Variants in HHAT observed in about 807,000 individuals in gnomAD.
The protein encoded by HHAT is hedgehog acyltransferase, also known as protein-cysteine N-palmitoyltransferase HHAT.
Under a neutral mutation model 70.8 loss-of-function variants are expected in HHAT, and 47 were observed. That is an observed-to-expected ratio of 0.66 (90% confidence interval 0.53 to 0.85). The LOEUF is 0.85. Ranked by LOEUF, HHAT falls within the 40% of genes least tolerant of loss-of-function variation. The probability of loss-of-function intolerance (pLI) is 0.00; values close to 1 mark genes in which losing one functional copy is unlikely to be tolerated. For missense variants in HHAT, 609 were observed against 604.8 expected (o/e 1.01, Z -0.07); for synonymous variants, 228 against 247.6 (o/e 0.92, Z 0.74).
At chr1:210,422,826 G>C (rs1302620545) in intron 7 of HHAT, among the ~76,000 whole-genome samples, 1 of 151,938 alleles carries the variant, frequency 6.6e-6, no homozygotes, top group Non-Finnish European at 1.5e-5. Flanking sequence ...TAGTAGAGAC[G>C]GGGTTTCACC....
intron 8 of HHAT, among the ~76,000 whole-genome samples, chr1:210,474,443 A>C (rs2094267391): frequency 6.6e-6 from 1 of 152,148 alleles, no homozygotes. Flanking sequence ...GATGTGCACC[A>C]CCATGCTTGG....
chr1:210,498,970 A>C (rs755206143), intron 8 of HHAT, among the ~76,000 whole-genome samples: 1 of 152,002 alleles, frequency 6.6e-6, no homozygotes, highest in Non-Finnish European at 1.5e-5. Context: ...AGGTTTCACC[A>C]TGTTGGCCAG....
chr1:210,618,588 G>A (rs948215875), intron 10 of HHAT, among the ~76,000 whole-genome samples: 2 of 152,150 alleles, frequency 1.3e-5, no homozygotes, highest in Admixed American at 1.3e-4. Flanking sequence ...TGCTCCTCCA[G>A]ATGCTCAGCC....
At chr1:210,535,719 T>G (rs148220820) in intron 9 of HHAT, among the ~76,000 whole-genome samples, 1 of 152,146 alleles carries the variant, frequency 6.6e-6, no homozygotes, top group Non-Finnish European at 1.5e-5. Context: ...GTGCTGTATC[T>G]GCATAGAAAA....
At chr1:210,638,806 G>T (rs1210676844) in intron 11 of HHAT, among the ~76,000 whole-genome samples, 8 of 151,946 alleles carry the variant, frequency 5.3e-5, no homozygotes, top group Non-Finnish European at 1.2e-4. Context: ...TCTGGAGGCT[G>T]AGGTGGGAGG....
At chr1:210,467,580 T>A (rs566541846) in intron 8 of HHAT, among the ~76,000 whole-genome samples, 1 of 152,322 alleles carries the variant, frequency 6.6e-6, no homozygotes, top group East Asian at 1.9e-4. Context: ...TGAGACAAAT[T>A]TAATCATGAG....
rs766495082 is a variant in HHAT at position 210,354,577 on chromosome 1, GT to G, written c.91+5512del. Among the ~76,000 whole-genome samples the G allele has an allele frequency of 4.6e-5, 7 of 151,988 alleles. No individual in the cohort carries two copies. The South Asian group carries it at 8.3e-4, about 18-fold the overall frequency. Reference sequence around the variant, plus strand: ...AGCTCTCTCTATGTTGCTCAGACTGGTCTCAAACTCCTGGACTCAAGCGATC... The same window carrying G: ...AGCTCTCTCTATGTTGCTCAGACTGGCTCAAACTCCTGGACTCAAGCGATC... On this transcript the variant is annotated intron_variant, in intron 2 of 11. Coordinates refer to ENST00000261458, the MANE Select transcript of HHAT (RefSeq NM_018194.6).
intron 9 of HHAT, among the ~76,000 whole-genome samples, chr1:210,527,255 G>T (rs2095261585): frequency 6.6e-6 from 1 of 151,886 alleles, no homozygotes; most frequent in African/African-American, 2.4e-5. Flanking sequence ...AGCGTCAGGT[G>T]CTCCCTTGCA....
chr1:210,455,829 C>T (rs552428863), intron 7 of HHAT, among the ~76,000 whole-genome samples: 18 of 152,150 alleles, frequency 1.2e-4, no homozygotes, highest in Non-Finnish European at 2.1e-4. Context: ...AGCCACTATC[C>T]TGAATTTGGT....
intron 10 of HHAT, among the ~76,000 whole-genome samples, chr1:210,623,029 G>T (rs570116824): frequency 2.0e-5 from 3 of 152,180 alleles, no homozygotes; most frequent in Non-Finnish European, 4.4e-5. Context: ...CTTGGGGTAT[G>T]TCACTTCTTT....
At chr1:210,400,146 G>A (rs2148195374) in intron 4 of HHAT, among the ~76,000 whole-genome samples, 1 of 152,186 alleles carries the variant, frequency 6.6e-6, no homozygotes, top group East Asian at 1.9e-4. Flanking sequence ...CATTGTGTCT[G>A]TTGAAAAGTC....
chr1:210,446,005 C>G (rs2093627008), intron 7 of HHAT, among the ~76,000 whole-genome samples: 1 of 152,150 alleles, frequency 6.6e-6, no homozygotes, highest in Non-Finnish European at 1.5e-5. Flanking sequence ...AGATATATCT[C>G]CTAATGCTAT....
At chr1:210,656,173 C>T (rs1016554730) in intron 11 of HHAT, among the ~76,000 whole-genome samples, 1 of 152,208 alleles carries the variant, frequency 6.6e-6, no homozygotes, top group Non-Finnish European at 1.5e-5. Flanking sequence ...AAGTCCATTT[C>T]CCTTTCCAGG....
intron 7 of HHAT, among the ~76,000 whole-genome samples, chr1:210,461,114 G>C (rs778295000): frequency 1.3e-4 from 20 of 152,158 alleles, no homozygotes; most frequent in Admixed American, 2.0e-4. Context: ...ACAAAAGCTA[G>C]TTCAATTTGT....
chr1:210,548,393 A>G (rs1433266538), intron 9 of HHAT, among the ~76,000 whole-genome samples: 2 of 152,220 alleles, frequency 1.3e-5, no homozygotes, highest in Non-Finnish European at 2.9e-5. Flanking sequence ...CAAGGCCTGG[A>G]AAATAGTAGG....
intron 9 of HHAT, among the ~76,000 whole-genome samples, chr1:210,563,941 C>T (rs1168582379): frequency 6.6e-6 from 1 of 151,940 alleles, no homozygotes; most frequent in Non-Finnish European, 1.5e-5. Context: ...ACTCATACTA[C>T]ATTGTTTTTG....
intron 11 of HHAT, among the ~76,000 whole-genome samples, chr1:210,651,330 G>A (rs1420582058): frequency 1.3e-5 from 2 of 152,138 alleles, no homozygotes; most frequent in Admixed American, 1.3e-4. Context: ...TAAGCAGCAG[G>A]GATTTGATAT....
At chr1:210,395,057 T>A (rs2091704845) in intron 4 of HHAT, among the ~76,000 whole-genome samples, 1 of 152,222 alleles carries the variant, frequency 6.6e-6, no homozygotes, top group Non-Finnish European at 1.5e-5. Context: ...TTATGTAGTA[T>A]GTAATAAATT....
intron 10 of HHAT, among the ~76,000 whole-genome samples, chr1:210,612,467 G>A (rs1172914647): frequency 6.6e-6 from 1 of 152,104 alleles, no homozygotes; most frequent in Non-Finnish European, 1.5e-5. Context: ...CATTCATGTT[G>A]TGGCATACAT....
Sources: gnomAD v4.1 joint callset for allele counts (sites outside exome capture counted in the v4.1 genomes callset) on GRCh38, gnomAD v4.1.1 for gene constraint, MANE v1.5 for transcripts, NCBI Gene and HGNC (gene_info 2026-07-23, HGNC 2026-07-21) for gene names.